NEK10: variants seen among roughly 807,000 people sequenced by gnomAD.
NEK10 encodes NIMA related kinase 10.
In NEK10, 122 loss-of-function variants were observed where a neutral mutation model predicts 159.8. The ratio of observed to expected loss-of-function variants is 0.76; its 90% confidence interval spans 0.66 to 0.89. The LOEUF is 0.89. Ranked by LOEUF, NEK10 falls within the 40% of genes least tolerant of loss-of-function variation. The pLI, the probability that NEK10 is intolerant of heterozygous loss-of-function variation, is 0.00. For missense variants in NEK10, 1,342 were observed against 1,323.1 expected, an observed-to-expected ratio of 1.01 and a Z score of -0.22; for synonymous variants, 466 against 457.1, an observed-to-expected ratio of 1.02 and a Z score of -0.25.
intron 5 of NEK10, among the ~76,000 whole-genome samples, chr3:27,334,882 G>T (rs897999001): frequency 6.6e-6 from 1 of 152,078 alleles, no homozygotes; most frequent in African/African-American, 2.4e-5. Context: ...TCCAACAATA[G>T]ATCCCAATCA....
chr3:27,209,339 A>C (rs573296727), intron 23 of NEK10, among the ~76,000 whole-genome samples: 3 of 152,228 alleles, frequency 2.0e-5, no homozygotes, highest in Non-Finnish European at 4.4e-5. Context: ...AGGCACAAAA[A>C]GAGCTATTTA....
chr3:27,304,568 C>T lies in NEK10; in HGVS notation c.1028+179G>A, dbSNP rs1393472132. On this transcript the variant is annotated intron_variant, in intron 12 of 35. Transcript: ENST00000691995. Reference sequence around the variant, plus strand: ...CCAAGGAATTTAAAAGATGAATGCCCCTGACATTGATTTAGAACATGCTTG... The same window carrying T: ...CCAAGGAATTTAAAAGATGAATGCCTCTGACATTGATTTAGAACATGCTTG... Among the ~76,000 whole-genome samples the T allele has an allele frequency of 2.0e-5, 3 of 152,018 alleles. No homozygotes were observed. In the East Asian group the frequency reaches 5.8e-4, roughly 29 times the overall value.
intron 13 of NEK10, among the ~76,000 whole-genome samples, chr3:27,300,494 G>T (rs549677165): frequency 3.7e-4 from 56 of 152,044 alleles, no homozygotes; most frequent in Non-Finnish European, 7.4e-4. Flanking sequence ...ACTAATACGG[G>T]TATAGAATAA....
intron 31 of NEK10, among the ~76,000 whole-genome samples, chr3:27,137,288 AATAAG>A (rs1943320185): frequency 6.6e-6 from 1 of 152,216 alleles, no homozygotes; most frequent in Non-Finnish European, 1.5e-5. Flanking sequence ...AGAGCATAAT[AATAAG>A]ATATTTATAA....
intron 26 of NEK10, among the ~76,000 whole-genome samples, chr3:27,190,652 T>C (rs924889549): frequency 4.6e-5 from 7 of 152,144 alleles, no homozygotes; most frequent in African/African-American, 1.7e-4. Context: ...CTCTTTCACA[T>C]ACAACTGGAA....
chr3:27,232,297 T>C (rs944337945), intron 23 of NEK10, among the ~76,000 whole-genome samples: 2 of 151,716 alleles, frequency 1.3e-5, no homozygotes, highest in Admixed American at 6.6e-5. Context: ...AAATCAAGAA[T>C]GCAACTCTTT....
chr3:27,318,912 A>G (rs1000890321), intron 6 of NEK10, among the ~76,000 whole-genome samples: 3 of 151,934 alleles, frequency 2.0e-5, no homozygotes, highest in South Asian at 4.2e-4. Context: ...GGGAGAAGAC[A>G]ATAAAGAAAA....
At chr3:27,298,531 T>C (rs1176091789) in intron 13 of NEK10, among the ~76,000 whole-genome samples, 1 of 152,154 alleles carries the variant, frequency 6.6e-6, no homozygotes, top group Non-Finnish European at 1.5e-5. Context: ...TTGGTACCAG[T>C]AGAGTCGGGC....
At chr3:27,258,136 T>C (rs1559375267) in intron 22 of NEK10, among the ~76,000 whole-genome samples, 1 of 152,202 alleles carries the variant, frequency 6.6e-6, no homozygotes, top group East Asian at 1.9e-4. Flanking sequence ...ATTATAATAA[T>C]ATACTGCTGA....
intron 5 of NEK10, among the ~76,000 whole-genome samples, chr3:27,335,147 T>C (rs1233050272): frequency 6.6e-6 from 1 of 152,118 alleles, no homozygotes; most frequent in East Asian, 1.9e-4. Context: ...AGGACCAGCC[T>C]GGCCAACATG....
At position 27,111,169 on chromosome 3, in the gene NEK10, C is replaced by T. The variant is rs1008594981; in HGVS notation, c.*103G>A. Reference sequence around the variant, plus strand: ...CCCCATGGCATCTTGGTCTTTTCCACACCCTCTAGCAGCACCCAATCCTTG... The same window carrying T: ...CCCCATGGCATCTTGGTCTTTTCCATACCCTCTAGCAGCACCCAATCCTTG... On this transcript the variant is annotated 3_prime_UTR_variant, in exon 36 of 36. Transcript: ENST00000691995. 9.9e-6 allele frequency: 11 copies of T among 1,109,064 alleles called. No homozygotes were observed. In the African/African-American group the frequency reaches 1.3e-4, roughly 13 times the overall value. 68.7% of individuals were successfully genotyped at this position (1,109,064 alleles called of 1,614,324 possible). A position where few individuals can be genotyped will look rare whatever the true frequency, so the allele number is the denominator to read the frequency against.
intron 30 of NEK10, among the ~76,000 whole-genome samples, chr3:27,141,935 GGCTATCAT>G (rs1400708548): frequency 6.6e-6 from 1 of 152,072 alleles, no homozygotes; most frequent in Non-Finnish European, 1.5e-5. Flanking sequence ...ATAGTTAAGA[GGCTATCAT>G]GCTTTTAACT....
intron 22 of NEK10, among the ~76,000 whole-genome samples, chr3:27,284,149 G>A (rs534560913): frequency 5.1e-4 from 78 of 152,248 alleles, no homozygotes; most frequent in South Asian, 4.8e-3. Flanking sequence ...ACTTTGGGAG[G>A]ACGAGGAGGG....
At chr3:27,294,634 G>A (rs373681393) in intron 15 of NEK10, among the ~76,000 whole-genome samples, 12 of 152,162 alleles carry the variant, frequency 7.9e-5, no homozygotes, top group East Asian at 5.8e-4. Flanking sequence ...CGTTGGTAGC[G>A]CTCCAAAAAC....
At chr3:27,367,597 CT>C (rs2049189084) in intron 1 of NEK10, 1 of 152,228 alleles carries the variant, frequency 6.6e-6, no homozygotes, top group Admixed American at 6.5e-5. Flanking sequence ...CAAACAGTAA[CT>C]TCTCATTTTA....
At chr3:27,136,904 T>A (rs1257470586) in intron 31 of NEK10, among the ~76,000 whole-genome samples, 1 of 152,244 alleles carries the variant, frequency 6.6e-6, no homozygotes, top group Non-Finnish European at 1.5e-5. Flanking sequence ...CTACCAAGTG[T>A]TAAGTCTGAG....
intron 31 of NEK10, among the ~76,000 whole-genome samples, chr3:27,136,614 G>A (rs1308250007): frequency 6.6e-6 from 1 of 152,096 alleles, no homozygotes; most frequent in Non-Finnish European, 1.5e-5. Context: ...GTAGATTTGG[G>A]GTTCCAGCAA....
At chr3:27,121,121 G>A (rs1941243255) in intron 32 of NEK10, among the ~76,000 whole-genome samples, 1 of 152,032 alleles carries the variant, frequency 6.6e-6, no homozygotes. Context: ...CCCATCAAAA[G>A]ACATGTATAA....
chr3:27,311,133 A>G, intron 8 of NEK10, 117 bp from the exon 9 acceptor site: 1 of 588,480 alleles, frequency 1.7e-6, no homozygotes, highest in Non-Finnish European at 3.0e-6. Context: ...GGAACACAGC[A>G]CAAAAGGAAC....
Sources: gnomAD v4.1 joint callset for allele counts (sites outside exome capture counted in the v4.1 genomes callset) on GRCh38, gnomAD v4.1.1 for gene constraint, MANE v1.5 for transcripts, NCBI Gene and HGNC (gene_info 2026-07-23, HGNC 2026-07-21) for gene names.